DCST1: variants seen among roughly 807,000 people sequenced by gnomAD.
DCST1 encodes DC-STAMP domain containing 1.
A neutral mutation model predicts 89.1 loss-of-function variants in DCST1; 78 were observed. The ratio of observed to expected loss-of-function variants is 0.88; its 90% CI spans 0.73 to 1.06. DCST1 has a LOEUF of 1.06. Among genes scored for constraint, DCST1 ranks in the 50% least tolerant of loss-of-function variants. DCST1 has a pLI of 0.00. For synonymous variants in DCST1, 364 were observed against 371.9 expected, an observed-to-expected ratio of 0.98 and a Z score of 0.24; for missense variants, 900 against 928.6, an observed-to-expected ratio of 0.97 and a Z score of 0.40.
intron 4 of DCST1, 146 bp from the exon 5 acceptor site, chr1:155,039,257 G>A: frequency 1.1e-6 from 1 of 933,010 alleles, no homozygotes; most frequent in Non-Finnish European, 1.5e-6. Context: ...TGGCCCAGCA[G>A]GTCTATCAGA....
rs777869829 is a variant in DCST1 at position 155,034,045 on chromosome 1, T to TA, written c.12dup (p.His5ThrfsTer31). 3.5e-5 allele frequency: 56 copies of TA among 1,613,820 alleles called. No individual in the cohort carries two copies. The Admixed American group carries it at 9.2e-4, about 26-fold the overall frequency. ...TTCCCCAAAACAGACTCATGGACAT[T>TA]AAACATCATCAGAATGGCACAAGAG... On this transcript the variant is annotated frameshift_variant, in exon 2 of 17. Coordinates refer to ENST00000295542, the MANE Select transcript of DCST1 (RefSeq NM_152494.4). LOFTEE classifies it high-confidence loss of function.
rs887220569 is a variant in DCST1 at position 155,034,514 on chromosome 1, C to T, written c.141C>T (p.Val47=). ...GGCGCCAGCCGGGCGAGTTTCCTGTCACTGCTCTCCTGCTGGGGGCAGGCG... is the reference window on the plus strand; with the variant it reads ...GGCGCCAGCCGGGCGAGTTTCCTGTTACTGCTCTCCTGCTGGGGGCAGGCG... ...FLWRQPGEFP[V]TALLLGAGAG... The change falls in exon 3 of 17, where the codon GTC becomes GTT. Residue 47 remains valine (V), a synonymous_variant. Transcript: ENST00000295542. 4.3e-6 allele frequency: 7 copies of T among 1,613,540 alleles called. No individual in the cohort carries two copies. In the Admixed American group the frequency reaches 6.7e-5, roughly 15 times the overall value.
In DCST1 at chr1:155,047,245, G is replaced by A. The variant is rs764403838; in HGVS notation, c.1545G>A (p.Arg515=). 3.7e-6 allele frequency: 6 copies of A among 1,614,048 alleles called. No individual in the cohort carries two copies. The Admixed American group carries it at 5.0e-5, about 13-fold the overall frequency. Residue 515 remains arginine, a synonymous_variant, in exon 14 of 17, where the codon CGG becomes CGA. Coordinates refer to ENST00000295542, the MANE Select transcript of DCST1 (RefSeq NM_152494.4). ...VKVGGDSMLA[R]LLRKTIGALN... ...TCGGGGGAGACTCCATGCTAGCCCG[G>A]CTTCTTCGAAAAACCATTGGGGCCC...
Position 155,039,344 on chromosome 1 carries a change from G to C in DCST1, c.263-59G>C, listed in dbSNP as rs373689448. On this transcript the variant is annotated intron_variant, in intron 4 of 16. Transcript: ENST00000295542. ...GTTGCAGGTGGGTGCTCTGGTAAAC[G>C]TGAGGAAGGGAGGCAGCTTCCTCAC... The C allele has an allele frequency of 1.9e-5, 28 of 1,461,988 alleles. No homozygotes were observed. The South Asian group carries it at 4.1e-4, about 22-fold the overall frequency. The allele number at this position is 1,461,988 out of a possible 1,614,324, so 90.6% of individuals were successfully genotyped here. A position where few individuals can be genotyped will look rare whatever the true frequency, so the allele number is the denominator to read the frequency against.
Position 155,047,929 on chromosome 1 carries a change from G to T in DCST1, c.1755G>T (p.Lys585Asn). 2.5e-6 allele frequency: 4 copies of T among 1,613,910 alleles called. No homozygotes were observed. The South Asian group carries it at 3.3e-5, about 13-fold the overall frequency. The change falls in exon 15 of 17, where the codon AAG (lysine) becomes AAT (asparagine). Residue 585 changes from lysine to asparagine, a missense_variant and splice_region_variant. Coordinates refer to ENST00000295542, the MANE Select transcript of DCST1 (RefSeq NM_152494.4). ...TCATCGCAGCCTTCTACTTCCCCAA[G>T]GTTTGCCCCTCCCCAGACCTCTCCA... The part of the protein sequence containing the change: ...RRVIAAFYFP[K>N]REKKRILFLY...
chr1:155,033,834 C>G lies in DCST1; in HGVS notation c.-86C>G. 1 of 1,396,422 alleles carries G rather than the reference C, an allele frequency of 7.2e-7. No individual in the cohort carries two copies. The highest frequency in any genetic ancestry group is 9.7e-7 in the Non-Finnish European group (1 of 1,028,694). 86.5% of individuals were successfully genotyped at this position (1,396,422 alleles called of 1,614,324 possible). On this transcript the variant is annotated 5_prime_UTR_variant, in exon 1 of 17. Transcript: ENST00000295542. ...TGTCTTGGAATCCTTGACCCAGTTC[C>G]GAGGACTGGAGAGGGGATAGGTAGG...
chr1:155,047,005 G>A (rs1660663899), intron 13 of DCST1, among the ~76,000 whole-genome samples, 191 bp from the exon 14 acceptor site: 1 of 152,162 alleles, frequency 6.6e-6, no homozygotes, highest in African/African-American at 2.4e-5. Flanking sequence ...TCACAGCAGG[G>A]GAGGGGGGCT....
chr1:155,034,781 C>T (rs1660222220), intron 4 of DCST1, 54 bp downstream of exon 4: 3 of 1,588,520 alleles, frequency 1.9e-6, no homozygotes, highest in East Asian at 2.2e-5. Flanking sequence ...AACACAGCGC[C>T]GTCCTGCATG....
intron 6 of DCST1, 142 bp downstream of exon 6, chr1:155,040,766 G>C: frequency 7.7e-7 from 1 of 1,291,502 alleles, no homozygotes. Context: ...CCCAAACATT[G>C]CAGAACGTGC....
chr1:155,040,800 G>T (rs1660417857), intron 6 of DCST1, among the ~76,000 whole-genome samples, 176 bp downstream of exon 6: 1 of 152,232 alleles, frequency 6.6e-6, no homozygotes, highest in Non-Finnish European at 1.5e-5. Flanking sequence ...TTAAATGCCA[G>T]GAGAGCCCCT....
At chr1:155,045,619 A>C (rs1660593207) in intron 10 of DCST1, 1 of 484,638 alleles carries the variant, frequency 2.1e-6, no homozygotes, top group Non-Finnish European at 3.8e-6. Context: ...AGACAGGCTG[A>C]CCATGCCCTC....
At position 155,050,790 on chromosome 1, in the gene DCST1, C is replaced by T; in HGVS notation, c.2043C>T (p.Cys681=). The change falls in exon 17 of 17, where the codon TGC becomes TGT. Residue 681 remains cysteine, a synonymous_variant. Coordinates refer to ENST00000295542, the MANE Select transcript of DCST1 (RefSeq NM_152494.4). ...GCTGGGACGACATGCGGCAGCGGTG[C>T]CCGGTCTGCACGCCCCGCGAAGAGC... ...WSCWDDMRQR[C]PVCTPREELS... 6.2e-7 allele frequency: 1 copy of T among 1,611,690 alleles called. No homozygotes were observed. The highest frequency in any genetic ancestry group is 1.1e-5 in the South Asian group (1 of 90,712).
intron 10 of DCST1, chr1:155,045,383 G>C (rs1376333808): frequency 5.2e-6 from 1 of 193,944 alleles, no homozygotes. Flanking sequence ...GAGCCAGGGT[G>C]TATTGGGGGA....
At chr1:155,038,657 A>G (rs1558106611) in intron 4 of DCST1, among the ~76,000 whole-genome samples, 1 of 151,996 alleles carries the variant, frequency 6.6e-6, no homozygotes, top group Non-Finnish European at 1.5e-5. Context: ...TCCTAACAAC[A>G]CTTACTCACC....
chr1:155,033,989 G>A lies in DCST1; in HGVS notation c.-48G>A, dbSNP rs1468260547. ...CTCACCAGAACCTTGTGTCCAAGGA[G>A]GTCCTTCAGGAGACCTGGGATGAGT... On this transcript the variant is annotated 5_prime_UTR_variant, in exon 2 of 17. Coordinates refer to ENST00000295542, the MANE Select transcript of DCST1 (RefSeq NM_152494.4). 1 of 1,610,392 alleles carries A rather than the reference G, an allele frequency of 6.2e-7. No homozygotes were observed. Among genetic ancestry groups the A allele is most frequent in the Admixed American group, 1.7e-5 (1 of 59,966 alleles).
chr1:155,038,830 T>C (rs1660346918), intron 4 of DCST1, among the ~76,000 whole-genome samples: 1 of 152,238 alleles, frequency 6.6e-6, no homozygotes, highest in South Asian at 2.1e-4. Context: ...CATCTGTCTC[T>C]TTCTCTGGAT....
In DCST1 at chr1:155,042,756, A is replaced by G. The variant is rs767099770; in HGVS notation, c.914A>G (p.Asn305Ser). Reference protein sequence around the residue: ...IAKVMEVWCRNRIPVEGNFGQ... With the variant: ...IAKVMEVWCRSRIPVEGNFGQ... ...CCAGTGATGGAGGTTTGGTGCCGCA[A>G]TCGCATCCCAGTGGAAGGCAACTTT... Residue 305 changes from asparagine (N) to serine (S), a missense_variant, in exon 9 of 17, where the codon AAT (asparagine) becomes AGT (serine). Physicochemically the swap from Asn to Ser is conservative, Grantham distance 46. Coordinates refer to ENST00000295542, the MANE Select transcript of DCST1 (RefSeq NM_152494.4). The G allele has an allele frequency of 8.1e-6, 13 of 1,614,208 alleles. No homozygotes were observed. The South Asian group carries it at 1.2e-4, about 15-fold the overall frequency.
intron 9 of DCST1, 114 bp from the exon 10 acceptor site, chr1:155,043,238 T>C: frequency 3.3e-6 from 5 of 1,510,100 alleles, no homozygotes; most frequent in South Asian, 1.2e-5. Flanking sequence ...CTAGAGGTCC[T>C]GGGAGGGCCC....
intron 8 of DCST1, 71 bp from the exon 9 acceptor site, chr1:155,042,664 G>A: frequency 6.2e-7 from 1 of 1,604,742 alleles, no homozygotes; most frequent in Non-Finnish European, 8.5e-7. Flanking sequence ...ACTACAGGAG[G>A]ACAGGCAGGC....
Sources: gnomAD v4.1 joint callset for allele counts (sites outside exome capture counted in the v4.1 genomes callset) on GRCh38, gnomAD v4.1.1 for gene constraint, MANE v1.5 for transcripts, NCBI Gene and HGNC (gene_info 2026-07-23, HGNC 2026-07-21) for gene names.